LPAR1: variants seen among roughly 807,000 people sequenced by gnomAD.
LPAR1 encodes the protein lysophosphatidic acid receptor 1.
LPAR1 carries 5 observed loss-of-function variants against 23.8 expected under a neutral mutation model. That is an observed-to-expected ratio of 0.21 (90% confidence interval 0.11 to 0.44). The LOEUF (loss-of-function observed/expected upper bound fraction) is 0.44, where lower values mean the gene tolerates loss of function less well. LPAR1 is among the 20% of genes least tolerant of loss of function. LPAR1 has a pLI of 0.99. For missense variants in LPAR1, 311 were observed against 482.8 expected (o/e 0.64, Z 3.33); for synonymous variants, 160 against 164.7 (o/e 0.97, Z 0.22).
chr9:110,933,854 A>G (rs2094536354), intron 5 of LPAR1, among the ~76,000 whole-genome samples: 1 of 152,072 alleles, frequency 6.6e-6, no homozygotes, highest in Admixed American at 6.6e-5. Flanking sequence ...TTCATGTGGT[A>G]TTTTTGGTTT....
chr9:110,938,850 G>T (rs1440721950), intron 5 of LPAR1, among the ~76,000 whole-genome samples: 1 of 152,002 alleles, frequency 6.6e-6, no homozygotes, highest in Non-Finnish European at 1.5e-5. Flanking sequence ...CTCCAGCCTG[G>T]GTGATACAGC....
At chr9:110,906,603 TA>T (rs1482437592) in intron 5 of LPAR1, among the ~76,000 whole-genome samples, 3 of 152,128 alleles carry the variant, frequency 2.0e-5, no homozygotes, top group African/African-American at 7.2e-5. Context: ...CATATTAAAA[TA>T]TTTTTCTTGG....
chr9:111,014,520 C>T (rs913898189), intron 2 of LPAR1, among the ~76,000 whole-genome samples: 11 of 152,074 alleles, frequency 7.2e-5, no homozygotes, highest in Admixed American at 2.0e-4. Flanking sequence ...CTTCTCTACA[C>T]TTAACACTAG....
At chr9:111,034,561 G>A (rs947194141) in intron 2 of LPAR1, among the ~76,000 whole-genome samples, 31 of 152,220 alleles carry the variant, frequency 2.0e-4, no homozygotes, top group Middle Eastern at 3.4e-3. Flanking sequence ...ATCAATTTGC[G>A]GAGAGTAGGG....
intron 5 of LPAR1, among the ~76,000 whole-genome samples, chr9:110,899,158 G>A (rs987297142): frequency 1.3e-5 from 2 of 152,152 alleles, no homozygotes; most frequent in Admixed American, 1.3e-4. Context: ...CAGAATATAG[G>A]ATATTTAGGA....
At position 110,926,065 on chromosome 9, in the gene LPAR1, C is replaced by T. The variant is rs143622034; in HGVS notation, c.793+15356G>A. 7.6e-4 allele frequency among the ~76,000 whole-genome samples: 115 copies of T among 152,274 alleles called. No individual in the cohort carries two copies. In the East Asian group the frequency reaches 0.018, roughly 24 times the overall value. ...TCTCCTGAGTAGCTTGGACTACAGG[C>T]GCCTGCCACTGCGCCCGGCTAATTT... On this transcript the variant is annotated intron_variant, in intron 5 of 5. Coordinates refer to ENST00000683809, the MANE Select transcript of LPAR1 (RefSeq NM_001351411.2).
chr9:110,916,452 T>C (rs1008953702), intron 5 of LPAR1, among the ~76,000 whole-genome samples: 2 of 152,220 alleles, frequency 1.3e-5, no homozygotes, highest in Admixed American at 1.3e-4. Flanking sequence ...GTAACCTTAC[T>C]TAAATGATTC....
Position 110,945,962 on chromosome 9 carries a change from T to C in LPAR1, c.46-3794A>G, listed in dbSNP as rs76696851. Reference sequence around the variant, plus strand: ...TCAACATCTTTAACTGAAACACATCTGAAAAGTCCCTTTCTCTATGCAAGG... The same window carrying C: ...TCAACATCTTTAACTGAAACACATCCGAAAAGTCCCTTTCTCTATGCAAGG... On this transcript the variant is annotated intron_variant, in intron 4 of 5. Coordinates refer to ENST00000683809, the MANE Select transcript of LPAR1 (RefSeq NM_001351411.2). Among the ~76,000 whole-genome samples, 1,068 of 152,290 alleles carry C rather than the reference T, an allele frequency of 7.0e-3. 15 individuals are homozygous for C. The highest frequency in any genetic ancestry group is 0.024 in the African/African-American group (1,014 of 41,554).
chr9:111,008,949 G>C (rs1353058691), intron 2 of LPAR1, among the ~76,000 whole-genome samples: 1 of 152,112 alleles, frequency 6.6e-6, no homozygotes, highest in Non-Finnish European at 1.5e-5. Flanking sequence ...GGAGAATGGG[G>C]AGTGGGGTGG....
intron 5 of LPAR1, among the ~76,000 whole-genome samples, chr9:110,900,756 T>C (rs563654401): frequency 3.3e-4 from 50 of 152,332 alleles, no homozygotes; most frequent in Non-Finnish European, 6.9e-4. Context: ...AAGAATTCTA[T>C]TTGTATTTTA....
chr9:111,038,584 G>C (rs2097945140), upstream of LPAR1: 1 of 453,890 alleles, frequency 2.2e-6, no homozygotes, highest in African/African-American at 2.0e-5. The surrounding 1 kb of genome is among the most constrained non-coding windows in gnomAD (Gnocchi z 4.4). Context: ...CTTGTTCCAC[G>C]TAGCACAAGT....
intron 5 of LPAR1, among the ~76,000 whole-genome samples, chr9:110,901,279 A>T (rs2088852930): frequency 6.6e-6 from 1 of 152,220 alleles, no homozygotes; most frequent in Non-Finnish European, 1.5e-5. Context: ...TCACGTTCCC[A>T]CTACGACAAG....
chr9:111,033,269 A>G (rs915649835), intron 2 of LPAR1, among the ~76,000 whole-genome samples: 4 of 152,204 alleles, frequency 2.6e-5, no homozygotes, highest in African/African-American at 9.6e-5. Context: ...ATAATACAAC[A>G]ACAACACTAC....
chr9:110,996,388 CT>C (rs1313008440), intron 2 of LPAR1, among the ~76,000 whole-genome samples: 1 of 151,972 alleles, frequency 6.6e-6, no homozygotes, highest in Admixed American at 6.6e-5. Flanking sequence ...AAGATGCCAT[CT>C]CTACTTAAAA....
intron 5 of LPAR1, among the ~76,000 whole-genome samples, chr9:110,931,960 C>T (rs1056815265): frequency 6.6e-6 from 1 of 152,088 alleles, no homozygotes; most frequent in Admixed American, 6.6e-5. Flanking sequence ...TAGCATGATG[C>T]CTCCAGCTTT....
At chr9:110,958,142 G>A (rs2095824776) in intron 4 of LPAR1, among the ~76,000 whole-genome samples, 1 of 152,296 alleles carries the variant, frequency 6.6e-6, no homozygotes, top group South Asian at 2.1e-4. Context: ...TTGTTAAAAT[G>A]ATCACACTAC....
At chr9:110,926,208 C>A (rs762089954) in intron 5 of LPAR1, among the ~76,000 whole-genome samples, 14 of 152,232 alleles carry the variant, frequency 9.2e-5, no homozygotes, top group Non-Finnish European at 1.8e-4. Context: ...GCGTGAGCCA[C>A]CACGCCCAGC....
intron 5 of LPAR1, among the ~76,000 whole-genome samples, chr9:110,922,105 G>C (rs1389790240): frequency 6.6e-6 from 1 of 152,158 alleles, no homozygotes; most frequent in Non-Finnish European, 1.5e-5. Flanking sequence ...GGGAAGAAGA[G>C]TCAATGAGAT....
chr9:110,927,551 A>G (rs984541884), intron 5 of LPAR1, among the ~76,000 whole-genome samples: 2 of 152,136 alleles, frequency 1.3e-5, no homozygotes, highest in African/African-American at 2.4e-5. Context: ...ATATTGACCT[A>G]GGAAAAGTTA....
Sources: allele counts gnomAD v4.1 joint callset (sites outside exome capture counted in the v4.1 genomes callset), GRCh38; gene constraint gnomAD v4.1.1; non-coding constraint Gnocchi (gnomAD v3.1); transcripts MANE v1.5; gene names NCBI Gene and HGNC (gene_info 2026-07-23, HGNC 2026-07-21).